MAEA: variants seen among roughly 807,000 people sequenced by gnomAD.
MAEA encodes the protein E3 ubiquitin-protein transferase MAEA.
Under a neutral mutation model 46.2 loss-of-function variants are expected in MAEA, and 22 were observed. The ratio of observed to expected loss-of-function variants is 0.48; its 90% CI spans 0.34 to 0.68. The LOEUF (loss-of-function observed/expected upper bound fraction) is 0.68. MAEA is among the 30% of genes least tolerant of loss of function. MAEA has a pLI of 0.01. For synonymous variants in MAEA, 246 were observed against 222.6 expected, an observed-to-expected ratio of 1.11 and a Z score of -0.94; for missense variants, 393 against 558.1, an observed-to-expected ratio of 0.70 and a Z score of 2.98.
chr4:1,312,924 G>A (rs972650960), intron 2 of MAEA, among the ~76,000 whole-genome samples: 4 of 152,224 alleles, frequency 2.6e-5, no homozygotes, highest in African/African-American at 7.2e-5. Flanking sequence ...GGCCAGAACC[G>A]GAGGGCAGGG....
At chr4:1,328,901 T>C in intron 5 of MAEA, 3 of 1,013,626 alleles carry the variant, frequency 3.0e-6, no homozygotes, top group Non-Finnish European at 3.6e-6. Context: ...AGCGGGGATC[T>C]CGGGACCCGG....
intron 6 of MAEA, chr4:1,335,423 T>C (rs1489548319): frequency 1.0e-6 from 1 of 985,212 alleles, no homozygotes; most frequent in South Asian, 4.7e-5. Flanking sequence ...CAGAGTTAAG[T>C]CAGCACTGGC....
At chr4:1,334,599 C>T (rs1712500652) in intron 6 of MAEA, among the ~76,000 whole-genome samples, 1 of 152,242 alleles carries the variant, frequency 6.6e-6, no homozygotes, top group Non-Finnish European at 1.5e-5. Flanking sequence ...GTGGAGCATG[C>T]ACCTCTCACC....
chr4:1,323,493 A>G, intron 4 of MAEA: 2 of 702,576 alleles, frequency 2.8e-6, no homozygotes, highest in Non-Finnish European at 5.2e-6. Context: ...ACTGCCACTC[A>G]GGGCCGCCAA....
intron 1 of MAEA, chr4:1,299,575 C>T (rs1342991349): frequency 6.6e-6 from 1 of 151,332 alleles, no homozygotes; most frequent in East Asian, 2.0e-4. Flanking sequence ...TACAGTGGCT[C>T]CCAGGCCCTT....
At chr4:1,290,846 G>A (rs572887620) in intron 1 of MAEA, among the ~76,000 whole-genome samples, 5 of 152,236 alleles carry the variant, frequency 3.3e-5, no homozygotes, top group Non-Finnish European at 5.9e-5. Context: ...CCCCAGGGCA[G>A]TTCAGCGAAG....
At chr4:1,298,185 G>A (rs952492626) in intron 1 of MAEA, 15 of 416,554 alleles carry the variant, frequency 3.6e-5, no homozygotes, top group South Asian at 1.0e-4. Context: ...CTCTGCCCGC[G>A]GCTTGGCCCT....
intron 5 of MAEA, chr4:1,330,359 G>C (rs1045176552): frequency 4.3e-5 from 6 of 139,562 alleles, no homozygotes; most frequent in African/African-American, 1.9e-4. Context: ...TTGAGGTTGA[G>C]TTTTGCTCTG....
intron 1 of MAEA, among the ~76,000 whole-genome samples, chr4:1,310,808 G>A (rs1220077414): frequency 6.6e-6 from 1 of 152,218 alleles, no homozygotes; most frequent in Non-Finnish European, 1.5e-5. Flanking sequence ...CTTGCCACCC[G>A]CCTCCTGCCC....
chr4:1,297,877 T>C lies in MAEA; in HGVS notation c.69+7895T>C, dbSNP rs73796062. On this transcript the variant is annotated intron_variant, in intron 1 of 8. Transcript: ENST00000303400. ...TCTCATCTGGCTGTGGTCAGCCTCT[T>C]GCGTTTCCTTTCTCCCTTGCCTCCA... is the stretch of plus-strand genomic sequence containing the variant. 1.3e-3 allele frequency: 542 copies of C among 413,316 alleles called. 4 individuals carry two copies. Among genetic ancestry groups the C allele is most frequent in the African/African-American group, 0.01 (505 of 49,468 alleles). The allele number at this position is 413,316 out of a possible 1,614,324, so 25.6% of individuals were successfully genotyped here.
At chr4:1,305,933 G>A (rs528010047) in intron 1 of MAEA, among the ~76,000 whole-genome samples, 4 of 152,298 alleles carry the variant, frequency 2.6e-5, no homozygotes, top group Admixed American at 2.0e-4. Context: ...GCTGTCGGGC[G>A]GGCGGGAGAT....
intron 5 of MAEA, chr4:1,329,047 G>C (rs1431266703): frequency 1.2e-4 from 115 of 985,704 alleles, no homozygotes; most frequent in Non-Finnish European, 1.3e-4. Context: ...GCGGCAGTCT[G>C]CTTCCATCCC....
At chr4:1,315,963 G>C (rs114985501) in intron 3 of MAEA, among the ~76,000 whole-genome samples, 4,859 of 137,026 alleles carry the variant, frequency 0.035, 186 homozygotes, top group East Asian at 0.22. Flanking sequence ...GAGAGGCCCT[G>C]ACCCTTTGTG....
In MAEA at chr4:1,338,692, C is replaced by T. The variant is rs1013031774; in HGVS notation, c.1095+75C>T. The T allele has an allele frequency of 2.7e-5, 37 of 1,384,084 alleles. No homozygotes were observed. The East Asian group carries it at 8.9e-4, about 33-fold the overall frequency. 85.7% of individuals were successfully genotyped at this position (1,384,084 alleles called of 1,614,324 possible). A position where few individuals can be genotyped will look rare whatever the true frequency, so the allele number is the denominator to read the frequency against. ...ACAGGGCTGTGTGGGACGGGCAGGGCAGGGGGGCCAGGCTGGCACGCATCG... is the reference window on the plus strand; with the variant it reads ...ACAGGGCTGTGTGGGACGGGCAGGGTAGGGGGGCCAGGCTGGCACGCATCG... On this transcript the variant is annotated intron_variant, in intron 8 of 8. Coordinates refer to ENST00000303400, the MANE Select transcript of MAEA (RefSeq NM_001017405.3).
chr4:1,337,083 C>T, intron 7 of MAEA, 89 bp downstream of exon 7: 1 of 1,474,602 alleles, frequency 6.8e-7, no homozygotes, highest in Non-Finnish European at 9.3e-7. Flanking sequence ...CCTTGCCACT[C>T]TTGTCCTCCC....
chr4:1,337,238 C>A, intron 7 of MAEA: 1 of 539,610 alleles, frequency 1.9e-6, no homozygotes, highest in Non-Finnish European at 3.3e-6. Flanking sequence ...TCTCAGAGGC[C>A]GCCATGGGCA....
In MAEA at chr4:1,323,350, G is replaced by A. The variant is rs113216181; in HGVS notation, c.579+847G>A. ...GGCATTGTCACCCTAGGGGCTTGCA[G>A]AAATGTTTTAACTTATGTTAACACT... is the stretch of plus-strand genomic sequence containing the variant. On this transcript the variant is annotated intron_variant, in intron 4 of 8. Coordinates refer to ENST00000303400, the MANE Select transcript of MAEA (RefSeq NM_001017405.3). 4,775 of 619,606 alleles carry A rather than the reference G, an allele frequency of 7.7e-3. 33 individuals are homozygous for A. The highest frequency in any genetic ancestry group is 0.01 in the Non-Finnish European group (3,616 of 346,304). The allele number at this position is 619,606 out of a possible 1,614,324, so 38.4% of individuals were successfully genotyped here.
At chr4:1,309,969 T>A in intron 1 of MAEA, 1 of 1,243,660 alleles carries the variant, frequency 8.0e-7, no homozygotes, top group Admixed American at 3.9e-5. Context: ...AGGCCTTTCC[T>A]TTTCTGGTGG....
chr4:1,339,335 A>C lies in MAEA; in HGVS notation c.*166A>C, dbSNP rs889948627. ...TTAGGAAGAGAGAAAATAAGGTTTCATAAGTTTGTACTTGAAAACATTTGG... is the reference window on the plus strand; with the variant it reads ...TTAGGAAGAGAGAAAATAAGGTTTCCTAAGTTTGTACTTGAAAACATTTGG... On this transcript the variant is annotated 3_prime_UTR_variant, in exon 9 of 9. Coordinates refer to ENST00000303400, the MANE Select transcript of MAEA (RefSeq NM_001017405.3). The C allele has an allele frequency of 5.0e-6, 3 of 595,690 alleles. No homozygotes were observed. The highest frequency in any genetic ancestry group is 3.7e-5 in the African/African-American group (2 of 53,750). 36.9% of individuals were successfully genotyped at this position (595,690 alleles called of 1,614,324 possible). A position where few individuals can be genotyped will look rare whatever the true frequency, so the allele number is the denominator to read the frequency against.
Sources: gnomAD v4.1 joint callset for allele counts (sites outside exome capture counted in the v4.1 genomes callset) on GRCh38, gnomAD v4.1.1 for gene constraint, MANE v1.5 for transcripts, NCBI Gene and HGNC (gene_info 2026-07-23, HGNC 2026-07-21) for gene names.